SNED1: variants seen among roughly 807,000 people sequenced by gnomAD.
SNED1 encodes sushi, nidogen and EGF like domains 1.
In SNED1, 81 loss-of-function variants were observed where a neutral mutation model predicts 166.7. The ratio of observed to expected loss-of-function variants is 0.49; its 90% CI spans 0.41 to 0.58. The LOEUF (loss-of-function observed/expected upper bound fraction) is 0.58, where lower values mean the gene tolerates loss of function less well. SNED1 is among the 20% of genes least tolerant of loss of function. SNED1 has a pLI of 0.00. For synonymous variants in SNED1, 762 were observed against 822.0 expected (o/e 0.93, Z 1.25); for missense variants, 1,604 against 2,000.2 (o/e 0.80, Z 3.78).
At chr2:240,998,461 TC>T (rs369004593), upstream of SNED1, among the ~76,000 whole-genome samples, 66 of 152,134 alleles carry the variant, frequency 4.3e-4, 1 homozygote, top group South Asian at 0.013. Context: ...CGCAGAGCCC[TC>T]ACCTTGCCTG....
chr2:241,064,106 C>T lies in SNED1; in HGVS notation c.2580C>T (p.Phe860=), dbSNP rs1470480151. 3.2e-6 allele frequency: 5 copies of T among 1,564,092 alleles called. No individual in the cohort carries two copies. Among genetic ancestry groups the T allele is most frequent in the Non-Finnish European group, 1.7e-6 (2 of 1,155,822 alleles). ...TGTGCGTCTGCCCAGAGAGCTTCTT[C>T]GGCTACCACTGCGAGACAGGTAGGG... ...AYLCVCPESF[F]GYHCETVSDP... The change falls in exon 19 of 32, where the codon TTC becomes TTT. Residue 860 remains phenylalanine, a synonymous_variant. Transcript: ENST00000310397. This position sits in a 1 kb window ranked among gnomAD's most constrained non-coding sequence, Gnocchi z 7.0.
At chr2:240,997,905 G>C (rs532142666), upstream of SNED1, among the ~76,000 whole-genome samples, 62 of 152,116 alleles carry the variant, frequency 4.1e-4, 1 homozygote, top group South Asian at 1.2e-3. Flanking sequence ...GAGACAGGGG[G>C]CAGGGCTGGC....
Position 241,069,173 on chromosome 2 carries a change from T to A in SNED1, c.3307+150T>A. 1 of 610,428 alleles carries A rather than the reference T, an allele frequency of 1.6e-6. No individual in the cohort carries two copies. Among genetic ancestry groups the A allele is most frequent in the Non-Finnish European group, 2.8e-6 (1 of 351,108 alleles). 37.8% of individuals were successfully genotyped at this position (610,428 alleles called of 1,614,324 possible). A position where few individuals can be genotyped will look rare whatever the true frequency, so the allele number is the denominator to read the frequency against. On this transcript the variant is annotated intron_variant, in intron 23 of 31. Transcript: ENST00000310397. This position sits in a 1 kb window ranked among gnomAD's most constrained non-coding sequence, Gnocchi z 4.9. ...CAGATGTCTCTTCCGCTGGGGCCAC[T>A]GGGCAGGAGCCGCTGGGCTGGGCTG...
chr2:241,028,023 G>T lies in SNED1; in HGVS notation c.214-2261G>T, dbSNP rs149719161. ...GATGGGATTACAGGCGTGAGCCACC[G>T]CGCCGGGCCAGGTTTGTTTTTTTAA... On this transcript the variant is annotated intron_variant, in intron 1 of 31. Coordinates refer to ENST00000310397, the MANE Select transcript of SNED1 (RefSeq NM_001080437.3). Among the ~76,000 whole-genome samples the T allele has an allele frequency of 4.8e-4, 73 of 152,240 alleles. 1 individual carries two copies. Among genetic ancestry groups the T allele is most frequent in the African/African-American group, 1.6e-3 (66 of 41,534 alleles).
chr2:241,002,760 C>G (rs1367756985), intron 1 of SNED1, among the ~76,000 whole-genome samples: 1 of 152,092 alleles, frequency 6.6e-6, no homozygotes, highest in African/African-American at 2.4e-5. Context: ...CTGCGTCCAG[C>G]TGCCTCTTAC....
chr2:241,044,266 T>C (rs79996493), intron 8 of SNED1, among the ~76,000 whole-genome samples: 3,787 of 152,302 alleles, frequency 0.025, 74 homozygotes, highest in Non-Finnish European at 0.042. Flanking sequence ...GATTGTCAAA[T>C]TGAATTGAAA....
chr2:241,031,954 G>A lies in SNED1; in HGVS notation c.501+1383G>A, dbSNP rs182500636. On this transcript the variant is annotated intron_variant, in intron 2 of 31. Coordinates refer to ENST00000310397, the MANE Select transcript of SNED1 (RefSeq NM_001080437.3). ...AGCTGCAATACCAGGGGCCTGAGGC[G>A]GGCACGGCATAGCCCAAGTCGCCTT... is the stretch of plus-strand genomic sequence containing the variant. Among the ~76,000 whole-genome samples the A allele has an allele frequency of 2.2e-4, 33 of 152,308 alleles. No individual in the cohort carries two copies. In the East Asian group the frequency reaches 5.0e-3, roughly 23 times the overall value.
chr2:241,090,765 G>A (rs1231445170), intron 31 of SNED1, among the ~76,000 whole-genome samples: 1 of 151,930 alleles, frequency 6.6e-6, no homozygotes, highest in African/African-American at 2.4e-5. Context: ...TACTGAAGAG[G>A]CTGAGTCAGG....
chr2:241,050,836 G>T (rs531328363), intron 12 of SNED1, among the ~76,000 whole-genome samples: 2,536 of 152,174 alleles, frequency 0.017, 56 homozygotes, highest in African/African-American at 0.058. Context: ...CAAGGTGGGG[G>T]TCCTACCAGA....
chr2:241,088,453 G>A, intron 31 of SNED1, 51 bp downstream of exon 31: 1 of 1,477,030 alleles, frequency 6.8e-7, no homozygotes, highest in Non-Finnish European at 9.5e-7. Context: ...TGGGAAGTGG[G>A]GGGCGACTGC....
At chr2:241,028,761 T>C (rs893044681) in intron 1 of SNED1, among the ~76,000 whole-genome samples, 2 of 152,232 alleles carry the variant, frequency 1.3e-5, no homozygotes, top group Admixed American at 1.3e-4. Context: ...TTGACTACTC[T>C]GATAAAATTC....
At chr2:241,048,958 A>G in intron 10 of SNED1, 64 bp from the exon 11 acceptor site, 1 of 1,446,126 alleles carries the variant, frequency 6.9e-7, no homozygotes, top group Non-Finnish European at 9.5e-7. Context: ...CATCCTTGAC[A>G]AGGACTCGAG....
chr2:241,067,074 C>T (rs114566352), intron 21 of SNED1, among the ~76,000 whole-genome samples: 1,672 of 152,344 alleles, frequency 0.011, 30 homozygotes, highest in African/African-American at 0.033. Flanking sequence ...AAGGCCGCCC[C>T]ATGTGAGATC....
intron 1 of SNED1, among the ~76,000 whole-genome samples, chr2:241,012,875 G>A (rs907528868): frequency 9.4e-5 from 13 of 138,882 alleles, no homozygotes; most frequent in East Asian, 2.1e-4. Context: ...TCGCTCTTTC[G>A]CCCAGGCTGG....
intron 16 of SNED1, among the ~76,000 whole-genome samples, chr2:241,054,294 A>G (rs982218751): frequency 6.6e-6 from 1 of 152,232 alleles, no homozygotes; most frequent in Non-Finnish European, 1.5e-5. Context: ...GCCTCAGAAA[A>G]CAATAATAAA....
At chr2:241,022,992 A>C (rs2060815071) in intron 1 of SNED1, among the ~76,000 whole-genome samples, 1 of 152,098 alleles carries the variant, frequency 6.6e-6, no homozygotes, top group Admixed American at 6.5e-5. Context: ...GTATTTTATT[A>C]GTTTAAACAA....
chr2:241,034,931 C>T (rs1225520305), intron 4 of SNED1, among the ~76,000 whole-genome samples: 2 of 152,076 alleles, frequency 1.3e-5, no homozygotes, highest in Non-Finnish European at 2.9e-5. Context: ...AGAGAAGACC[C>T]CACACACACA....
In SNED1 at chr2:241,069,059, G is replaced by C; in HGVS notation, c.3307+36G>C. The C allele has an allele frequency of 7.0e-7, 1 of 1,420,864 alleles. No homozygotes were observed. Among genetic ancestry groups the C allele is most frequent in the Non-Finnish European group, 9.6e-7 (1 of 1,037,728 alleles). The allele number at this position is 1,420,864 out of a possible 1,614,324, so 88.0% of individuals were successfully genotyped here. On this transcript the variant is annotated intron_variant, in intron 23 of 31. Coordinates refer to ENST00000310397, the MANE Select transcript of SNED1 (RefSeq NM_001080437.3). The surrounding 1 kb of genome is among the most constrained non-coding windows in gnomAD (Gnocchi z 4.9). ...CAGCGCGGCCCCCGGCACACGAAAG[G>C]CCGTCTTCTAGAAGCTCTGGCTTCC... is the stretch of plus-strand genomic sequence containing the variant.
chr2:241,028,724 A>G (rs556832915), intron 1 of SNED1, among the ~76,000 whole-genome samples: 23 of 152,314 alleles, frequency 1.5e-4, no homozygotes, highest in African/African-American at 5.5e-4. Context: ...AAGTCCTCCA[A>G]TATTGTACTT....
Sources: allele counts gnomAD v4.1 joint callset (sites outside exome capture counted in the v4.1 genomes callset), GRCh38; gene constraint gnomAD v4.1.1; non-coding constraint Gnocchi (gnomAD v3.1); transcripts MANE v1.5; gene names NCBI Gene and HGNC (gene_info 2026-07-23, HGNC 2026-07-21).